STARD3NL: variants seen among roughly 807,000 people sequenced by gnomAD.
STARD3NL encodes STARD3 N-terminal-like protein.
A neutral mutation model predicts 30.9 loss-of-function variants in STARD3NL; 17 were observed. That is an observed-to-expected ratio of 0.55 (90% CI 0.38 to 0.82). STARD3NL has a LOEUF of 0.82. STARD3NL is among the 40% of genes least tolerant of loss of function. The pLI, the probability that STARD3NL is intolerant of heterozygous loss-of-function variation, is 0.00. For missense variants in STARD3NL, 234 were observed against 277.6 expected, an observed-to-expected ratio of 0.84 and a Z score of 1.12; for synonymous variants, 112 against 100.5, an observed-to-expected ratio of 1.11 and a Z score of -0.69.
At chr7:38,220,801 C>A (rs886302364) in intron 7 of STARD3NL, among the ~76,000 whole-genome samples, 3 of 152,174 alleles carry the variant, frequency 2.0e-5, no homozygotes, top group African/African-American at 7.2e-5. Flanking sequence ...GAATATTATT[C>A]TCCATTAAAA....
chr7:38,229,231 C>T (rs1025137278), intron 8 of STARD3NL, among the ~76,000 whole-genome samples: 1 of 152,174 alleles, frequency 6.6e-6, no homozygotes, highest in Non-Finnish European at 1.5e-5. Context: ...GCTGTTATCA[C>T]CTCCATTTTA....
rs559862003 is a variant in STARD3NL at position 38,206,577 on chromosome 7, A to G, written c.-58-870A>G. Among the ~76,000 whole-genome samples the G allele has an allele frequency of 2.6e-5, 4 of 152,302 alleles. No homozygotes were observed. In the South Asian group the frequency reaches 8.3e-4, roughly 32 times the overall value. ...GGGGCCTGCATCTCTGTATAGGACT[A>G]TATCTTCTGTAATTATTGGTCAGGT... is the stretch of plus-strand genomic sequence containing the variant. On this transcript the variant is annotated intron_variant, in intron 1 of 8. Transcript: ENST00000009041.
intron 1 of STARD3NL, among the ~76,000 whole-genome samples, chr7:38,204,744 C>T (rs1320149907): frequency 6.6e-6 from 1 of 151,674 alleles, no homozygotes; most frequent in Non-Finnish European, 1.5e-5. Context: ...GCTAGCAAGA[C>T]TAATAAAGAA....
chr7:38,229,734 C>T (rs1330792218), intron 8 of STARD3NL, among the ~76,000 whole-genome samples, 189 bp from the exon 9 acceptor site: 2 of 152,212 alleles, frequency 1.3e-5, no homozygotes, highest in East Asian at 3.8e-4. Flanking sequence ...AAAATGTGGG[C>T]ATGCTCGTAG....
At chr7:38,182,233 C>G (rs1396694054) in intron 1 of STARD3NL, among the ~76,000 whole-genome samples, 1 of 152,102 alleles carries the variant, frequency 6.6e-6, no homozygotes, top group Non-Finnish European at 1.5e-5. Context: ...CACTGTTAGG[C>G]TTTTCTCAGC....
At chr7:38,214,531 CT>C (rs1785991772) in intron 3 of STARD3NL, 97 bp downstream of exon 3, 2 of 660,114 alleles carry the variant, frequency 3.0e-6, no homozygotes, top group African/African-American at 3.8e-5. Flanking sequence ...CTTTTTTCCT[CT>C]TTTGAACACT....
chr7:38,219,866 G>C (rs150678413), intron 7 of STARD3NL, among the ~76,000 whole-genome samples: 6 of 152,174 alleles, frequency 3.9e-5, no homozygotes, highest in African/African-American at 1.4e-4. Context: ...ATGGAGGAGT[G>C]ATTAGACACC....
chr7:38,192,205 TC>T (rs1051693577), intron 1 of STARD3NL, among the ~76,000 whole-genome samples: 2 of 152,224 alleles, frequency 1.3e-5, no homozygotes, highest in Non-Finnish European at 2.9e-5. Flanking sequence ...TCTAGTCTTT[TC>T]CCACTCCCCT....
At chr7:38,185,732 G>A (rs1453620103) in intron 1 of STARD3NL, among the ~76,000 whole-genome samples, 3 of 152,200 alleles carry the variant, frequency 2.0e-5, no homozygotes, top group Admixed American at 6.5e-5. Flanking sequence ...CTACTTATCA[G>A]CTGGCCCCTG....
chr7:38,214,074 G>GA (rs1050273869), intron 2 of STARD3NL, among the ~76,000 whole-genome samples: 24 of 152,190 alleles, frequency 1.6e-4, no homozygotes, highest in Admixed American at 1.4e-3. Context: ...TCTTAGAAGG[G>GA]AAAAAATAAT....
intron 7 of STARD3NL, among the ~76,000 whole-genome samples, chr7:38,226,336 T>C (rs1280980858): frequency 1.3e-5 from 2 of 152,092 alleles, no homozygotes; most frequent in African/African-American, 4.8e-5. Context: ...GCTTCTGTTT[T>C]CTCTCAGTTT....
chr7:38,208,592 C>T (rs1433908474), intron 2 of STARD3NL, among the ~76,000 whole-genome samples: 1 of 152,154 alleles, frequency 6.6e-6, no homozygotes, highest in Non-Finnish European at 1.5e-5. Context: ...AGGTGAGCTC[C>T]TCCAGGAGGT....
At chr7:38,183,254 G>T (rs188777047) in intron 1 of STARD3NL, among the ~76,000 whole-genome samples, 1 of 152,254 alleles carries the variant, frequency 6.6e-6, no homozygotes, top group Admixed American at 6.5e-5. Context: ...TGTGCCAGGA[G>T]TTGTTCTAAA....
chr7:38,228,904 G>A (rs993687086), intron 8 of STARD3NL, 33 bp downstream of exon 8: 10 of 1,489,620 alleles, frequency 6.7e-6, no homozygotes, highest in Non-Finnish European at 9.3e-6. Flanking sequence ...TAACAACAAA[G>A]TAGTTAAGTA....
chr7:38,214,513 T>C, intron 3 of STARD3NL, 79 bp downstream of exon 3: 1 of 855,440 alleles, frequency 1.2e-6, no homozygotes, highest in Admixed American at 2.5e-5. Context: ...GACTTCAAAT[T>C]CCATGCCCTT....
intron 1 of STARD3NL, among the ~76,000 whole-genome samples, chr7:38,181,654 T>C (rs10240479): frequency 0.42 from 64,597 of 152,034 alleles, 14,074 homozygotes; most frequent in East Asian, 0.5. Context: ...TTTTTAAATA[T>C]TGGAAGGTAC....
rs1259522013 is a variant in STARD3NL at position 38,205,857 on chromosome 7, AAG to A, written c.-58-1588_-58-1587del. ...ATCACTGTTTCTTTCCTCTTTCTTG[AAG>A]ATAATCACTAACCTGACCTTTAAGG... is the stretch of plus-strand genomic sequence containing the variant. On this transcript the variant is annotated intron_variant, in intron 1 of 8. Coordinates refer to ENST00000009041, the MANE Select transcript of STARD3NL (RefSeq NM_032016.4). 3.9e-5 allele frequency among the ~76,000 whole-genome samples: 6 copies of A among 152,132 alleles called. No individual in the cohort carries two copies. In the East Asian group the frequency reaches 9.6e-4, roughly 24 times the overall value.
intron 1 of STARD3NL, chr7:38,198,430 G>A (rs1785024402): frequency 6.6e-6 from 1 of 152,114 alleles, no homozygotes. Flanking sequence ...GGAAATCTGG[G>A]TAAAAAATAA....
chr7:38,226,256 T>G (rs1414294569), intron 7 of STARD3NL, among the ~76,000 whole-genome samples: 1 of 152,068 alleles, frequency 6.6e-6, no homozygotes, highest in East Asian at 1.9e-4. Context: ...GCTCTTTGTT[T>G]AGTAAAGAGC....
Sources: allele counts gnomAD v4.1 joint callset (sites outside exome capture counted in the v4.1 genomes callset), GRCh38; gene constraint gnomAD v4.1.1; transcripts MANE v1.5; gene names NCBI Gene and HGNC (gene_info 2026-07-23, HGNC 2026-07-21).